The following DLG2 variants were observed in gnomAD, a reference collection of about 807,000 sequenced individuals.
DLG2 encodes disks large homolog 2.
In DLG2, 45 loss-of-function variants were observed where a neutral mutation model predicts 132.5. The observed-to-expected ratio is 0.34, with a 90% confidence interval of 0.27 to 0.44. The LOEUF is 0.44. Ranked by LOEUF, DLG2 falls within the 20% of genes least tolerant of loss-of-function variation. DLG2 has a pLI of 1.00. For missense variants in DLG2, 1,045 were observed against 1,196.9 expected (o/e 0.87, Z 1.87); for synonymous variants, 424 against 419.6 (o/e 1.01, Z -0.13).
intron 8 of DLG2, among the ~76,000 whole-genome samples, chr11:84,186,645 G>C (rs1249599860): frequency 1.3e-5 from 2 of 151,856 alleles, no homozygotes; most frequent in Non-Finnish European, 1.5e-5. Context: ...TATTAGATAA[G>C]TTAGTATATG....
rs117145862 is a variant in DLG2 at position 85,200,103 on chromosome 11, T to C, written c.187-45452A>G. ...AGTCTTGTGAATTCAGATAGGAGGTTGTAAACCCCCCCATGGAGCCCAACA... is the reference window on the plus strand; with the variant it reads ...AGTCTTGTGAATTCAGATAGGAGGTCGTAAACCCCCCCATGGAGCCCAACA... On this transcript the variant is annotated intron_variant, in intron 4 of 27. Transcript: ENST00000376104. 3.9e-3 allele frequency among the ~76,000 whole-genome samples: 598 copies of C among 152,222 alleles called. 3 individuals are homozygous for C. The highest frequency in any genetic ancestry group is 6.6e-3 in the Non-Finnish European group (449 of 68,012).
At chr11:84,923,475 AGG>A in intron 6 of DLG2, 1 of 732,304 alleles carries the variant, frequency 1.4e-6, no homozygotes, top group Non-Finnish European at 1.6e-6. Flanking sequence ...CTCAGGAAGG[AGG>A]GGGGGAAAGG....
chr11:84,916,306 G>A lies in DLG2; in HGVS notation c.357+195355C>T, dbSNP rs1419769600. Among the ~76,000 whole-genome samples, 18 of 115,616 alleles carry A rather than the reference G, an allele frequency of 1.6e-4. No homozygotes were observed. In the East Asian group the frequency reaches 2.5e-3, roughly 16 times the overall value. 75.8% of individuals were successfully genotyped at this position (115,616 alleles called of 152,430 possible). A position where few individuals can be genotyped will look rare whatever the true frequency, so the allele number is the denominator to read the frequency against. On this transcript the variant is annotated intron_variant, in intron 6 of 27. Transcript: ENST00000376104. ...GGAGCATGCAGTGAGCCGAGATTGC[G>A]CCACTGCACTCCAGCCTGGGCGACA...
chr11:83,504,161 A>C (rs1469927954), intron 21 of DLG2, among the ~76,000 whole-genome samples: 1 of 152,000 alleles, frequency 6.6e-6, no homozygotes, highest in Non-Finnish European at 1.5e-5. Context: ...TGACAATTAC[A>C]CTCCTAGTTT....
chr11:85,132,986 G>C, intron 5 of DLG2: 1 of 343,090 alleles, frequency 2.9e-6, no homozygotes, highest in East Asian at 7.4e-5. Flanking sequence ...GCAGGATTCT[G>C]CTAGGCACCA....
Position 85,108,969 on chromosome 11 carries a change from C to T in DLG2, c.357+2692G>A, listed in dbSNP as rs554442907. Among the ~76,000 whole-genome samples, 19 of 152,220 alleles carry T rather than the reference C, an allele frequency of 1.2e-4. No individual in the cohort carries two copies. The South Asian group carries it at 3.7e-3, about 30-fold the overall frequency. ...TAGAGGTCTAAGCAACTGAGCCTCA[C>T]ATAACTTTTTCCAAACTGTTCTCAT... is the stretch of plus-strand genomic sequence containing the variant. On this transcript the variant is annotated intron_variant, in intron 6 of 27. Transcript: ENST00000376104.
chr11:84,661,097 C>T (rs376721656), intron 6 of DLG2, among the ~76,000 whole-genome samples: 4 of 152,244 alleles, frequency 2.6e-5, no homozygotes, highest in South Asian at 2.1e-4. Flanking sequence ...TTACCATATA[C>T]GCCCCCTCTC....
rs2099151596 is a variant in DLG2, at chr11:84,486,622, CAG to C, written c.519+47946_519+47947del. 2.0e-5 allele frequency among the ~76,000 whole-genome samples: 3 copies of C among 151,934 alleles called. No homozygotes were observed. In the South Asian group the frequency reaches 6.2e-4, roughly 32 times the overall value. On this transcript the variant is annotated intron_variant, in intron 7 of 27. Transcript: ENST00000376104. ...AAATGACACTTTTTACTCTCAGAAA[CAG>C]AAAAGAAGGTGAAAAGTCTTTCGAG...
intron 6 of DLG2, among the ~76,000 whole-genome samples, chr11:84,677,309 G>C (rs1422769302): frequency 1.3e-5 from 2 of 152,082 alleles, no homozygotes; most frequent in South Asian, 2.1e-4. Flanking sequence ...CTGTTTATGA[G>C]AGAAGTTTAA....
intron 18 of DLG2, among the ~76,000 whole-genome samples, chr11:83,751,064 A>G (rs1004592434): frequency 6.6e-6 from 1 of 152,240 alleles, no homozygotes; most frequent in African/African-American, 2.4e-5. Flanking sequence ...TGTTCAATGT[A>G]AAAAGTCAGA....
chr11:84,834,939 A>T lies in DLG2; in HGVS notation c.357+276722T>A, dbSNP rs185742579. Among the ~76,000 whole-genome samples, 907 of 151,652 alleles carry T rather than the reference A, an allele frequency of 6.0e-3. 8 individuals carry two copies. The highest frequency in any genetic ancestry group is 0.021 in the African/African-American group (868 of 41,454). On this transcript the variant is annotated intron_variant, in intron 6 of 27. Coordinates refer to ENST00000376104, the MANE Select transcript of DLG2 (RefSeq NM_001142699.3). ...ATTTTTGGGAAAAAATCTGACATCA[A>T]TTAAGTTTGGAAAATGCTAATACTT... is the stretch of plus-strand genomic sequence containing the variant.
At chr11:84,243,382 T>C (rs1020830650) in intron 8 of DLG2, among the ~76,000 whole-genome samples, 10 of 142,336 alleles carry the variant, frequency 7.0e-5, no homozygotes, top group Non-Finnish European at 1.4e-4. Flanking sequence ...GTTCATAGTG[T>C]GTTCAATTTG....
intron 6 of DLG2, among the ~76,000 whole-genome samples, chr11:84,729,521 G>A (rs146690716): frequency 6.6e-6 from 1 of 152,090 alleles, no homozygotes; most frequent in Non-Finnish European, 1.5e-5. Context: ...TTTAGAATAA[G>A]TGTAATGAGG....
At chr11:84,322,844 C>A (rs1370573187) in intron 7 of DLG2, among the ~76,000 whole-genome samples, 1 of 152,136 alleles carries the variant, frequency 6.6e-6, no homozygotes, top group Non-Finnish European at 1.5e-5. Flanking sequence ...CCTGTCTTGG[C>A]CTCCCAAAGT....
intron 19 of DLG2, among the ~76,000 whole-genome samples, chr11:83,587,646 G>C (rs571852391): frequency 1.5e-4 from 23 of 152,318 alleles, no homozygotes; most frequent in African/African-American, 5.5e-4. Flanking sequence ...TTTATATAGA[G>C]AGGAATAGGA....
chr11:84,518,735 AG>A (rs1178902442), intron 7 of DLG2, among the ~76,000 whole-genome samples: 2 of 152,160 alleles, frequency 1.3e-5, no homozygotes, highest in Non-Finnish European at 2.9e-5. Flanking sequence ...CAATTTTATT[AG>A]GCTACTTTTT....
Position 84,880,989 on chromosome 11 carries a change from G to A in DLG2, c.357+230672C>T, listed in dbSNP as rs576563448. Among the ~76,000 whole-genome samples the A allele has an allele frequency of 9.2e-5, 14 of 152,160 alleles. 1 individual carries two copies. In the South Asian group the frequency reaches 1.0e-3, roughly 11 times the overall value. ...AAAACTAACAGATCTTTACGTTTTC[G>A]TGGGTCAGATATAATTGTAAATAAT... On this transcript the variant is annotated intron_variant, in intron 6 of 27. Transcript: ENST00000376104.
chr11:83,579,640 T>TA (rs35210238), intron 19 of DLG2, among the ~76,000 whole-genome samples: 2 of 151,918 alleles, frequency 1.3e-5, no homozygotes, highest in Admixed American at 1.3e-4. Flanking sequence ...ATAAAATGCT[T>TA]AAAAAAATGA....
chr11:84,758,737 C>T (rs903601581), intron 6 of DLG2, among the ~76,000 whole-genome samples: 12 of 152,138 alleles, frequency 7.9e-5, no homozygotes, highest in Non-Finnish European at 1.6e-4. Flanking sequence ...CCTAGAAGAA[C>T]ATATTAACAT....
Sources: allele counts gnomAD v4.1 joint callset (sites outside exome capture counted in the v4.1 genomes callset), GRCh38; gene constraint gnomAD v4.1.1; transcripts MANE v1.5; gene names NCBI Gene and HGNC (gene_info 2026-07-23, HGNC 2026-07-21).